UGGT2: variants seen among roughly 807,000 people sequenced by gnomAD.
UGGT2 encodes UDP-glucose:glycoprotein glucosyltransferase 2.
In UGGT2, 180 loss-of-function variants were observed where a neutral mutation model predicts 192.1. That is an observed-to-expected ratio of 0.94 (90% CI 0.83 to 1.06). The LOEUF is 1.06. Ranked by LOEUF, UGGT2 falls within the 50% of genes least tolerant of loss-of-function variation. The pLI is 0.00. For synonymous variants in UGGT2, 580 were observed against 591.0 expected (o/e 0.98, Z 0.27); for missense variants, 1,849 against 1,795.7 (o/e 1.03, Z -0.54).
chr13:95,853,059 T>G (rs973013713), intron 36 of UGGT2, among the ~76,000 whole-genome samples: 2 of 152,186 alleles, frequency 1.3e-5, no homozygotes, highest in African/African-American at 4.8e-5. Context: ...GAGTGGGTTC[T>G]CATGAGATCT....
chr13:95,807,804 A>T (rs1884391462), intron 38 of UGGT2, among the ~76,000 whole-genome samples: 1 of 147,038 alleles, frequency 6.8e-6, no homozygotes, highest in African/African-American at 2.6e-5. Context: ...AGTCATGCAC[A>T]ACATCTGGGC....
chr13:96,014,895 T>C (rs1443975458), intron 4 of UGGT2, among the ~76,000 whole-genome samples: 3 of 152,154 alleles, frequency 2.0e-5, no homozygotes, highest in Non-Finnish European at 4.4e-5. Flanking sequence ...ATCAGTATCA[T>C]AGAAGTACAT....
At chr13:95,945,341 A>C (rs892568569) in intron 15 of UGGT2, among the ~76,000 whole-genome samples, 1 of 152,090 alleles carries the variant, frequency 6.6e-6, no homozygotes, top group African/African-American at 2.4e-5. Context: ...TTTCCTAAAA[A>C]CTATGCCTTG....
At chr13:95,854,549 C>A in intron 34 of UGGT2, 74 bp from the exon 35 acceptor site, 2 of 1,288,276 alleles carry the variant, frequency 1.6e-6, no homozygotes, top group Admixed American at 2.8e-5. Context: ...AATCTCAAAT[C>A]ATTATTACTC....
At chr13:96,050,367 C>T (rs2053449811) in intron 1 of UGGT2, among the ~76,000 whole-genome samples, 1 of 152,234 alleles carries the variant, frequency 6.6e-6, no homozygotes, top group Admixed American at 6.5e-5. Flanking sequence ...GATCTAAAAC[C>T]ATAAAAACTC....
In UGGT2 at chr13:95,895,171, T is replaced by C. The variant is rs373326475; in HGVS notation, c.2759+9A>G. On this transcript the variant is annotated intron_variant, in intron 23 of 38. Coordinates refer to ENST00000376747, the MANE Select transcript of UGGT2 (RefSeq NM_020121.4). ...CAAAATGAATTGCTCTTAGAACTTA[T>C]ATACTCACTTATTTGCGTTGATTCC... The C allele has an allele frequency of 5.7e-6, 9 of 1,573,150 alleles. No individual in the cohort carries two copies. The highest frequency in any genetic ancestry group is 2.4e-5 in the South Asian group (2 of 83,168).
At chr13:95,992,039 T>G (rs2051473937) in intron 7 of UGGT2, among the ~76,000 whole-genome samples, 1 of 152,140 alleles carries the variant, frequency 6.6e-6, no homozygotes, top group Non-Finnish European at 1.5e-5. Flanking sequence ...GGCAGACGCC[T>G]GTAATCCCAG....
At chr13:95,844,200 G>C (rs903733730) in intron 36 of UGGT2, among the ~76,000 whole-genome samples, 18 of 152,176 alleles carry the variant, frequency 1.2e-4, no homozygotes, top group Admixed American at 4.6e-4. Flanking sequence ...GACCTCAAGT[G>C]ATCCACCTGC....
Position 95,850,226 on chromosome 13 carries a change from G to T in UGGT2, c.4284+3317C>A, listed in dbSNP as rs1459612415. ...GGCTACCTTTCTTTCTGTACAAACT[G>T]AATAATGAAGTACATGAATGTAGAA... On this transcript the variant is annotated intron_variant, in intron 36 of 38. Transcript: ENST00000376747. 2.0e-5 allele frequency among the ~76,000 whole-genome samples: 3 copies of T among 152,120 alleles called. No individual in the cohort carries two copies. In the East Asian group the frequency reaches 5.8e-4, roughly 29 times the overall value.
intron 17 of UGGT2, among the ~76,000 whole-genome samples, chr13:95,935,348 G>A (rs1488049311): frequency 6.6e-6 from 1 of 152,182 alleles, no homozygotes; most frequent in Non-Finnish European, 1.5e-5. Flanking sequence ...AAGAGCTCTT[G>A]TAAGGCCCGT....
intron 20 of UGGT2, among the ~76,000 whole-genome samples, chr13:95,909,165 T>A (rs1236414160): frequency 6.6e-6 from 1 of 152,160 alleles, no homozygotes; most frequent in Non-Finnish European, 1.5e-5. Context: ...TTTCTACATA[T>A]GGCTAGCCAG....
intron 36 of UGGT2, among the ~76,000 whole-genome samples, chr13:95,846,231 T>C (rs1227975924): frequency 6.6e-6 from 1 of 152,146 alleles, no homozygotes; most frequent in African/African-American, 2.4e-5. Flanking sequence ...GAGACCAGCC[T>C]GGCCGACACG....
intron 12 of UGGT2, among the ~76,000 whole-genome samples, chr13:95,966,904 C>T (rs921150439): frequency 3.9e-5 from 6 of 152,118 alleles, no homozygotes; most frequent in African/African-American, 7.2e-5. Context: ...TTTTACTTAA[C>T]AGAATCATTA....
At chr13:95,845,663 C>T (rs866498733) in intron 36 of UGGT2, among the ~76,000 whole-genome samples, 3 of 152,104 alleles carry the variant, frequency 2.0e-5, no homozygotes, top group Non-Finnish European at 4.4e-5. Context: ...CATCATGGCC[C>T]GTTCTCAATG....
chr13:96,013,555 C>CATACTGTTTGTATGAA, intron 4 of UGGT2, 74 bp from the exon 5 acceptor site: 2 of 1,004,978 alleles, frequency 2.0e-6, no homozygotes, highest in Non-Finnish European at 2.7e-6. Context: ...ATAATTACTG[C>CATACTGTTTGTATGAA]TTATCAAACA....
intron 10 of UGGT2, among the ~76,000 whole-genome samples, chr13:95,974,795 A>G (rs2050884618): frequency 1.3e-5 from 2 of 152,146 alleles, no homozygotes; most frequent in South Asian, 4.2e-4. Context: ...AAATATTAAT[A>G]ATGAGACTGG....
At chr13:95,996,444 TGAG>T (rs1323046182) in intron 6 of UGGT2, among the ~76,000 whole-genome samples, 1 of 150,744 alleles carries the variant, frequency 6.6e-6, no homozygotes, top group Admixed American at 6.6e-5. Flanking sequence ...TGCAGTGGAC[TGAG>T]ATCGTGCCAC....
At chr13:95,830,841 C>T (rs374526675) in intron 38 of UGGT2, among the ~76,000 whole-genome samples, 28 of 152,056 alleles carry the variant, frequency 1.8e-4, no homozygotes, top group African/African-American at 6.0e-4. Context: ...ATGTTTATTG[C>T]GGCACTATTC....
At chr13:95,852,659 GAA>G (rs1309567712) in intron 36 of UGGT2, among the ~76,000 whole-genome samples, 6 of 152,004 alleles carry the variant, frequency 3.9e-5, no homozygotes, top group Non-Finnish European at 2.9e-5. Context: ...ATAAAAATAA[GAA>G]AAAAGAGTCT....
Sources: gnomAD v4.1 joint callset for allele counts (sites outside exome capture counted in the v4.1 genomes callset) on GRCh38, gnomAD v4.1.1 for gene constraint, MANE v1.5 for transcripts, NCBI Gene and HGNC (gene_info 2026-07-23, HGNC 2026-07-21) for gene names.